The following NTM variants were observed in gnomAD, a reference collection of about 807,000 sequenced individuals.
The protein encoded by NTM is neurotrimin.
Under a neutral mutation model 42.1 loss-of-function variants are expected in NTM, and 13 were observed. The observed-to-expected ratio is 0.31, with a 90% CI of 0.20 to 0.49. The LOEUF is 0.49. NTM is among the 20% of genes least tolerant of loss of function. The pLI, the probability that NTM is intolerant of heterozygous loss-of-function variation, is 0.99. For missense variants in NTM, 373 were observed against 452.8 expected (o/e 0.82, Z 1.60); for synonymous variants, 187 against 179.2 (o/e 1.04, Z -0.35).
intron 2 of NTM, among the ~76,000 whole-genome samples, chr11:132,145,404 C>T (rs10894511): frequency 0.64 from 97,710 of 151,772 alleles, 31,837 homozygotes; most frequent in Non-Finnish European, 0.67. Flanking sequence ...CAGGACACTG[C>T]TTGTAAATTT....
At chr11:132,296,615 G>C (rs1047281668) in intron 4 of NTM, among the ~76,000 whole-genome samples, 2 of 152,176 alleles carry the variant, frequency 1.3e-5, no homozygotes, top group African/African-American at 4.8e-5. Context: ...CAGGAGTTCT[G>C]TGTTTGTCTG....
At chr11:131,531,829 C>A (rs182391216) in intron 1 of NTM, among the ~76,000 whole-genome samples, 75 of 152,268 alleles carry the variant, frequency 4.9e-4, no homozygotes, top group African/African-American at 1.5e-3. Flanking sequence ...ACTGAAGCTT[C>A]TGCAATAAGC....
chr11:132,001,788 A>G (rs2135295397), intron 2 of NTM, among the ~76,000 whole-genome samples: 1 of 152,122 alleles, frequency 6.6e-6, no homozygotes, highest in Non-Finnish European at 1.5e-5. Flanking sequence ...ACACACACAC[A>G]CACACACACA....
intron 1 of NTM, among the ~76,000 whole-genome samples, chr11:131,612,705 G>C (rs1372315373): frequency 6.6e-6 from 1 of 152,222 alleles, no homozygotes; most frequent in Non-Finnish European, 1.5e-5. Flanking sequence ...CAGCGTGCTA[G>C]TGGAAGGCTT....
intron 2 of NTM, among the ~76,000 whole-genome samples, chr11:131,982,209 A>G (rs1185732898): frequency 2.6e-5 from 4 of 152,012 alleles, no homozygotes; most frequent in Non-Finnish European, 5.9e-5. Flanking sequence ...GCAGCAACAC[A>G]CTGTTCTCAT....
At chr11:131,808,617 G>T (rs2092614702) in intron 1 of NTM, among the ~76,000 whole-genome samples, 1 of 152,208 alleles carries the variant, frequency 6.6e-6, no homozygotes, top group Admixed American at 6.5e-5. Flanking sequence ...TTGGTCCGGG[G>T]AAGTGTCACA....
chr11:132,203,262 C>T (rs1161195301), intron 3 of NTM, among the ~76,000 whole-genome samples: 2 of 152,280 alleles, frequency 1.3e-5, no homozygotes, highest in East Asian at 1.9e-4. Context: ...TATTTCTCTT[C>T]GTATTGGTCT....
chr11:131,684,206 G>A (rs1291639284), intron 1 of NTM, among the ~76,000 whole-genome samples: 1 of 152,274 alleles, frequency 6.6e-6, no homozygotes, highest in African/African-American at 2.4e-5. Context: ...GGAGAGCAAC[G>A]TGGGGTGAGC....
At chr11:131,878,319 C>G (rs931076020) in intron 1 of NTM, among the ~76,000 whole-genome samples, 1 of 151,644 alleles carries the variant, frequency 6.6e-6, no homozygotes, top group African/African-American at 2.4e-5. Flanking sequence ...GCCTGTAATC[C>G]CAGCACTTTG....
intron 1 of NTM, among the ~76,000 whole-genome samples, chr11:131,398,173 T>C (rs920539336): frequency 6.6e-6 from 1 of 152,182 alleles, no homozygotes; most frequent in Non-Finnish European, 1.5e-5. Context: ...CTGCATATGT[T>C]TGAAAGGGCT....
At chr11:131,500,902 T>C (rs1190784403) in intron 1 of NTM, among the ~76,000 whole-genome samples, 1 of 146,406 alleles carries the variant, frequency 6.8e-6, no homozygotes, top group Non-Finnish European at 1.5e-5. Flanking sequence ...TCCATGTCTC[T>C]ACAAAGGACA....
chr11:132,179,477 AAAGAT>A (rs2077255117), intron 3 of NTM, among the ~76,000 whole-genome samples: 1 of 152,142 alleles, frequency 6.6e-6, no homozygotes, highest in Non-Finnish European at 1.5e-5. Flanking sequence ...CATTATGGTA[AAAGAT>A]AAGATAGGAG....
intron 2 of NTM, among the ~76,000 whole-genome samples, chr11:131,976,610 G>A (rs1305894411): frequency 1.3e-5 from 2 of 152,096 alleles, no homozygotes; most frequent in Non-Finnish European, 2.9e-5. Flanking sequence ...TTTCACCCCA[G>A]TTCAGTCATA....
chr11:131,432,839 C>CATTTTTTTTTTT (rs1565494793), intron 1 of NTM, among the ~76,000 whole-genome samples: 21 of 68,696 alleles, frequency 3.1e-4, no homozygotes, highest in Non-Finnish European at 4.6e-4. Flanking sequence ...ATTTAGCATT[C>CATTTTTTTTTTT]TTTTTTTTTT....
At chr11:131,408,681 C>T (rs1946070455) in intron 1 of NTM, among the ~76,000 whole-genome samples, 1 of 152,156 alleles carries the variant, frequency 6.6e-6, no homozygotes, top group African/African-American at 2.4e-5. Flanking sequence ...TTGTCCAAAG[C>T]TCCAGGATTT....
In NTM at chr11:131,657,054, G is replaced by A. The variant is rs146359535; in HGVS notation, c.83-254510G>A. 1.3e-3 allele frequency among the ~76,000 whole-genome samples: 199 copies of A among 152,004 alleles called. 1 individual carries two copies. Among genetic ancestry groups the A allele is most frequent in the African/African-American group, 4.3e-3 (180 of 41,438 alleles). Reference sequence around the variant, plus strand: ...CTGCATTGTTAGCGGGGAGGAAGGCGGGCCTGGAGAAGGTCAAGCCCTTCA... The same window carrying A: ...CTGCATTGTTAGCGGGGAGGAAGGCAGGCCTGGAGAAGGTCAAGCCCTTCA... On this transcript the variant is annotated intron_variant, in intron 1 of 8. Coordinates refer to ENST00000683400, the MANE Select transcript of NTM (RefSeq NM_001352005.2).
chr11:132,008,128 A>G (rs959913730), intron 2 of NTM, among the ~76,000 whole-genome samples: 2 of 152,134 alleles, frequency 1.3e-5, no homozygotes, highest in Non-Finnish European at 2.9e-5. Flanking sequence ...CTAAGCAGGG[A>G]ATTGGGGTTA....
chr11:131,948,168 T>C (rs1216434667), intron 2 of NTM, among the ~76,000 whole-genome samples: 2 of 151,868 alleles, frequency 1.3e-5, no homozygotes, highest in East Asian at 1.9e-4. Context: ...GATACTATCC[T>C]GGCTAACACA....
chr11:131,810,029 G>T (rs1213442811), intron 1 of NTM, among the ~76,000 whole-genome samples: 3 of 152,204 alleles, frequency 2.0e-5, no homozygotes, highest in Non-Finnish European at 4.4e-5. Context: ...CTGTGACACA[G>T]ATTTATCGAT....
Sources: allele counts gnomAD v4.1 joint callset (sites outside exome capture counted in the v4.1 genomes callset), GRCh38; gene constraint gnomAD v4.1.1; transcripts MANE v1.5; gene names NCBI Gene and HGNC (gene_info 2026-07-23, HGNC 2026-07-21).